SH3PXD2A: variants seen among roughly 807,000 people sequenced by gnomAD.
SH3PXD2A encodes SH3 and PX domain-containing protein 2A.
A neutral mutation model predicts 115.2 loss-of-function variants in SH3PXD2A; 32 were observed. The ratio of observed to expected loss-of-function variants is 0.28; its 90% confidence interval spans 0.21 to 0.37. The LOEUF is 0.37. SH3PXD2A is among the 10% of genes least tolerant of loss of function. The probability of loss-of-function intolerance (pLI) is 1.00; values close to 1 mark genes in which losing one functional copy is unlikely to be tolerated. For synonymous variants in SH3PXD2A, 610 were observed against 629.1 expected (o/e 0.97, Z 0.45); for missense variants, 1,328 against 1,498.7 (o/e 0.89, Z 1.88).
chr10:103,669,000 G>A (rs1417104738), intron 6 of SH3PXD2A, among the ~76,000 whole-genome samples: 1 of 152,202 alleles, frequency 6.6e-6, no homozygotes, highest in African/African-American at 2.4e-5. Flanking sequence ...CTTCCTTTCT[G>A]GCCATGTGGG....
At chr10:103,740,905 C>T (rs2038437566) in intron 3 of SH3PXD2A, among the ~76,000 whole-genome samples, 1 of 152,162 alleles carries the variant, frequency 6.6e-6, no homozygotes. Context: ...GCTGGGAGCA[C>T]AGCAGTGAAC....
intron 6 of SH3PXD2A, among the ~76,000 whole-genome samples, chr10:103,672,888 C>T (rs1002001058): frequency 6.6e-6 from 1 of 152,236 alleles, no homozygotes; most frequent in African/African-American, 2.4e-5. Flanking sequence ...CATGTCCCTG[C>T]CATGGCTGTC....
At chr10:103,622,405 AAG>A in intron 10 of SH3PXD2A, 63 bp downstream of exon 10, 1 of 1,060,364 alleles carries the variant, frequency 9.4e-7, no homozygotes, top group Non-Finnish European at 1.4e-6. Flanking sequence ...CCCGGAAAGA[AAG>A]AGCAGTGTTA....
intron 7 of SH3PXD2A, among the ~76,000 whole-genome samples, chr10:103,667,150 C>G (rs2037393631): frequency 6.6e-6 from 1 of 152,238 alleles, no homozygotes; most frequent in Non-Finnish European, 1.5e-5. Flanking sequence ...CAGAGAGACT[C>G]TGGCCCTGGA....
intron 8 of SH3PXD2A, among the ~76,000 whole-genome samples, chr10:103,635,925 A>G (rs1157166320): frequency 6.6e-6 from 1 of 152,154 alleles, no homozygotes; most frequent in Non-Finnish European, 1.5e-5. Flanking sequence ...TCTGGCCAGC[A>G]CTTCCAGCTC....
At chr10:103,618,629 C>A (rs755022141) in intron 10 of SH3PXD2A, among the ~76,000 whole-genome samples, 2 of 152,216 alleles carry the variant, frequency 1.3e-5, no homozygotes, top group African/African-American at 2.4e-5. Context: ...TGGCAGACAG[C>A]GAGACACTGT....
chr10:103,669,714 G>A (rs1246592989), intron 6 of SH3PXD2A, among the ~76,000 whole-genome samples: 2 of 152,256 alleles, frequency 1.3e-5, no homozygotes, highest in African/African-American at 4.8e-5. Context: ...AAGGAGCAGA[G>A]CACTGGCTGC....
intron 8 of SH3PXD2A, among the ~76,000 whole-genome samples, chr10:103,656,994 T>C (rs2037222572): frequency 6.6e-6 from 1 of 151,670 alleles, no homozygotes. Flanking sequence ...CTTGAGAAAG[T>C]CTGAGTGAAT....
At chr10:103,648,108 C>T (rs924812832) in intron 8 of SH3PXD2A, among the ~76,000 whole-genome samples, 4 of 152,104 alleles carry the variant, frequency 2.6e-5, no homozygotes, top group East Asian at 1.9e-4. Flanking sequence ...TGCCAGGACA[C>T]GGGCTGGTGG....
At chr10:103,640,148 G>A (rs2036932548) in intron 8 of SH3PXD2A, among the ~76,000 whole-genome samples, 2 of 151,914 alleles carry the variant, frequency 1.3e-5, no homozygotes, top group South Asian at 2.1e-4. Flanking sequence ...AACCCCGTTT[G>A]TAATAAAAAT....
rs1250249422 is a variant in SH3PXD2A, at chr10:103,598,492, A to C, written c.*3324T>G. On this transcript the variant is annotated 3_prime_UTR_variant, in exon 15 of 15. Transcript: ENST00000369774. The stretch of plus-strand genomic sequence containing the variant: ...ATGCTGCATCTTCGGGCATTATATG[A>C]ACCTCAATAATGACCTCAGAAGGGC... 4 of 152,714 alleles carry C rather than the reference A, an allele frequency of 2.6e-5. No individual in the cohort carries two copies. Among genetic ancestry groups the C allele is most frequent in the Non-Finnish European group, 2.9e-5 (2 of 68,056 alleles). 9.5% of individuals were successfully genotyped at this position (152,714 alleles called of 1,614,324 possible). A position where few individuals can be genotyped will look rare whatever the true frequency, so the allele number is the denominator to read the frequency against.
intron 1 of SH3PXD2A, among the ~76,000 whole-genome samples, chr10:103,847,898 C>G (rs926594285): frequency 2.0e-5 from 3 of 151,458 alleles, no homozygotes; most frequent in Non-Finnish European, 4.4e-5. Context: ...GAGATCGCAC[C>G]ACTGCACTCC....
At position 103,756,566 on chromosome 10, in the gene SH3PXD2A, A is replaced by G. The variant is rs1295234840; in HGVS notation, c.229+10528T>C. Among the ~76,000 whole-genome samples, 10 of 152,080 alleles carry G rather than the reference A, an allele frequency of 6.6e-5. No homozygotes were observed. Among genetic ancestry groups the G allele is most frequent in the Admixed American group, 6.5e-4 (10 of 15,282 alleles). On this transcript the variant is annotated intron_variant, in intron 3 of 14. Coordinates refer to ENST00000369774, the MANE Select transcript of SH3PXD2A (RefSeq NM_001394015.1). The surrounding 1 kb of genome is among the most constrained non-coding windows in gnomAD (Gnocchi z 4.4). ...GGCTGCCCACCACAAAGCACCTTTC[A>G]TATGCTCCAAAGGCTTCGGCCACCT... is the stretch of plus-strand genomic sequence containing the variant.
chr10:103,838,104 C>A (rs1317651536), intron 1 of SH3PXD2A, among the ~76,000 whole-genome samples: 1 of 152,208 alleles, frequency 6.6e-6, no homozygotes, highest in Non-Finnish European at 1.5e-5. Context: ...AGGAAATCCC[C>A]TGCTGGCCTG....
At chr10:103,706,016 A>AG (rs1564869303) in intron 5 of SH3PXD2A, among the ~76,000 whole-genome samples, 3 of 152,058 alleles carry the variant, frequency 2.0e-5, no homozygotes, top group Non-Finnish European at 4.4e-5. Flanking sequence ...AAAAAAAAAA[A>AG]AAAGAAAGAA....
At chr10:103,705,892 G>A (rs1564869272) in intron 5 of SH3PXD2A, among the ~76,000 whole-genome samples, 1 of 152,076 alleles carries the variant, frequency 6.6e-6, no homozygotes, top group Non-Finnish European at 1.5e-5. Context: ...AGCTACTCAG[G>A]AGGCTGAGGC....
intron 2 of SH3PXD2A, among the ~76,000 whole-genome samples, chr10:103,772,849 C>T (rs1251040775): frequency 1.3e-5 from 2 of 152,212 alleles, no homozygotes; most frequent in Non-Finnish European, 2.9e-5. Flanking sequence ...ATCCTTGTGC[C>T]CTTTCTATCT....
chr10:103,808,395 G>T (rs1473201097), intron 1 of SH3PXD2A, among the ~76,000 whole-genome samples: 2 of 152,070 alleles, frequency 1.3e-5, no homozygotes, highest in Non-Finnish European at 2.9e-5. Flanking sequence ...GGCATTGCAG[G>T]TGCCTGCCAT....
chr10:103,773,720 T>A (rs2038853123), intron 2 of SH3PXD2A, among the ~76,000 whole-genome samples: 1 of 151,682 alleles, frequency 6.6e-6, no homozygotes, highest in South Asian at 2.1e-4. Flanking sequence ...GGATTACAGG[T>A]GTGAGCTACT....
Sources: allele counts gnomAD v4.1 joint callset (sites outside exome capture counted in the v4.1 genomes callset), GRCh38; gene constraint gnomAD v4.1.1; non-coding constraint Gnocchi (gnomAD v3.1); transcripts MANE v1.5; gene names NCBI Gene and HGNC (gene_info 2026-07-23, HGNC 2026-07-21).